Variants in DSCAML1 observed in about 807,000 individuals in gnomAD.
The protein encoded by DSCAML1 is cell adhesion molecule DSCAML1.
Under a neutral mutation model 200.5 loss-of-function variants are expected in DSCAML1, and 38 were observed. That is an observed-to-expected ratio of 0.19 (90% CI 0.15 to 0.25). The LOEUF (loss-of-function observed/expected upper bound fraction) is 0.25, where lower values mean the gene tolerates loss of function less well. Among genes scored for constraint, DSCAML1 ranks in the 10% least tolerant of loss-of-function variants. The probability of loss-of-function intolerance (pLI) is 1.00; values close to 1 mark genes in which losing one functional copy is unlikely to be tolerated. For missense variants in DSCAML1, 2,223 were observed against 2,858.8 expected (o/e 0.78, Z 5.07); for synonymous variants, 1,215 against 1,165.0 (o/e 1.04, Z -0.87).
intron 8 of DSCAML1, among the ~76,000 whole-genome samples, chr11:117,509,696 T>C (rs1257073976): frequency 6.6e-6 from 1 of 152,192 alleles, no homozygotes; most frequent in African/African-American, 2.4e-5. Context: ...TATATGTACA[T>C]GGCTGTCCAA....
At chr11:117,725,063 C>T (rs546942209) in intron 3 of DSCAML1, among the ~76,000 whole-genome samples, 4 of 152,308 alleles carry the variant, frequency 2.6e-5, no homozygotes, top group African/African-American at 4.8e-5. Flanking sequence ...GGCTAAGATG[C>T]TTTCTGGAAA....
At chr11:117,794,299 C>T (rs530959193) in intron 1 of DSCAML1, among the ~76,000 whole-genome samples, 2 of 152,274 alleles carry the variant, frequency 1.3e-5, no homozygotes, top group South Asian at 4.2e-4. Context: ...GATGGAACAA[C>T]GGAGAGCGCC....
intron 3 of DSCAML1, among the ~76,000 whole-genome samples, chr11:117,597,310 A>C (rs1188090446): frequency 6.6e-6 from 1 of 152,146 alleles, no homozygotes; most frequent in Non-Finnish European, 1.5e-5. Context: ...GGCCTCAGTC[A>C]CCTTACTTGC....
At chr11:117,497,466 A>G (rs530542822) in intron 11 of DSCAML1, among the ~76,000 whole-genome samples, 3 of 152,242 alleles carry the variant, frequency 2.0e-5, no homozygotes, top group East Asian at 3.9e-4. Context: ...TGATGAGAGG[A>G]AGTGTCCAGC....
chr11:117,578,575 T>G (rs577442191), intron 3 of DSCAML1, among the ~76,000 whole-genome samples: 2 of 152,130 alleles, frequency 1.3e-5, no homozygotes, highest in East Asian at 3.9e-4. Context: ...GAGGCTGAGG[T>G]GGGAGGATAG....
chr11:117,694,594 AT>A (rs1251562743), intron 3 of DSCAML1, among the ~76,000 whole-genome samples: 1 of 152,100 alleles, frequency 6.6e-6, no homozygotes, highest in East Asian at 1.9e-4. Flanking sequence ...TCTCTGCCCC[AT>A]CTAGCCAAGG....
Position 117,540,508 on chromosome 11 carries a change from C to T in DSCAML1, c.512-7986G>A, listed in dbSNP as rs78853831. ...AAAAGGCAACTGAACTTAAACATGA[C>T]TGAACTTAACCCTTAAAAATGATTA... On this transcript the variant is annotated intron_variant, in intron 3 of 32. Coordinates refer to ENST00000651296, the MANE Select transcript of DSCAML1 (RefSeq NM_020693.4). Among the ~76,000 whole-genome samples, 1,450 of 151,882 alleles carry T rather than the reference C, an allele frequency of 9.5e-3. 9 individuals carry two copies. Among genetic ancestry groups the T allele is most frequent in the Non-Finnish European group, 0.015 (1,010 of 67,970 alleles).
At chr11:117,428,831 C>G in intron 32 of DSCAML1, 28 bp from the exon 33 acceptor site, 1 of 1,554,176 alleles carries the variant, frequency 6.4e-7, no homozygotes. Context: ...GAGGATGTTA[C>G]AGAGAGTCAT....
intron 3 of DSCAML1, among the ~76,000 whole-genome samples, chr11:117,577,869 A>G (rs1034145479): frequency 1.7e-4 from 25 of 151,226 alleles, no homozygotes; most frequent in Middle Eastern, 3.2e-3. Context: ...TCCCGGCCCT[A>G]AGCAAGATTT....
Position 117,463,054 on chromosome 11 carries a change from C to T in DSCAML1, c.3266-1458G>A, listed in dbSNP as rs1242890457. On this transcript the variant is annotated intron_variant, in intron 17 of 32. Transcript: ENST00000651296. The surrounding 1 kb of genome is among the most constrained non-coding windows in gnomAD (Gnocchi z 4.0). The stretch of plus-strand genomic sequence containing the variant: ...GGAGCTTAGCGTTAGGTGGGGCAGG[C>T]TGGCCTCGGCTCAGCACGACTGTTC... Among the ~76,000 whole-genome samples, 2 of 152,208 alleles carry T rather than the reference C, an allele frequency of 1.3e-5. No homozygotes were observed. Among genetic ancestry groups the T allele is most frequent in the African/African-American group, 2.4e-5 (1 of 41,446 alleles).
chr11:117,723,968 G>C (rs572998544), intron 3 of DSCAML1, among the ~76,000 whole-genome samples: 2 of 152,378 alleles, frequency 1.3e-5, no homozygotes, highest in South Asian at 2.1e-4. Flanking sequence ...CGCAGACAGA[G>C]AGGAAGGGAG....
chr11:117,457,163 TG>T (rs1200448106), intron 19 of DSCAML1, among the ~76,000 whole-genome samples: 1 of 152,244 alleles, frequency 6.6e-6, no homozygotes, highest in Non-Finnish European at 1.5e-5. Context: ...GCACTTCCGC[TG>T]TATTTACCAG....
At chr11:117,718,184 G>A (rs537089787) in intron 3 of DSCAML1, among the ~76,000 whole-genome samples, 3 of 152,206 alleles carry the variant, frequency 2.0e-5, no homozygotes, top group East Asian at 1.9e-4. Context: ...GCATTGCCGC[G>A]CCGGCTCCAG....
chr11:117,642,784 C>G lies in DSCAML1; in HGVS notation c.512-110262G>C, dbSNP rs2052438949. Among the ~76,000 whole-genome samples the G allele has an allele frequency of 6.6e-6, 1 of 152,138 alleles. No individual in the cohort carries two copies. The highest frequency in any genetic ancestry group is 2.4e-5 in the African/African-American group (1 of 41,422). ...GTGATTCCCATCTCACTCTTGGATT[C>G]CTTCATCCCCTTTCCACCTCCAACC... On this transcript the variant is annotated intron_variant, in intron 3 of 32. Transcript: ENST00000651296. This position sits in a 1 kb window ranked among gnomAD's most constrained non-coding sequence, Gnocchi z 4.1.
At chr11:117,646,431 G>A (rs1416958014) in intron 3 of DSCAML1, among the ~76,000 whole-genome samples, 3 of 152,182 alleles carry the variant, frequency 2.0e-5, no homozygotes, top group African/African-American at 7.2e-5. Flanking sequence ...TCTCTGCTGG[G>A]ATCCCCCCCA....
chr11:117,770,273 G>T (rs777897211), intron 3 of DSCAML1, among the ~76,000 whole-genome samples: 6 of 152,198 alleles, frequency 3.9e-5, no homozygotes, highest in Non-Finnish European at 7.3e-5. Context: ...CCCAGCAGGG[G>T]TCCAAGCTCC....
chr11:117,505,605 G>T lies in DSCAML1; in HGVS notation c.1911C>A (p.Ile637=), dbSNP rs770953566. 1.4e-5 allele frequency: 23 copies of T among 1,614,018 alleles called. No homozygotes were observed. In the South Asian group the frequency reaches 2.4e-4, roughly 17 times the overall value. The change falls in exon 9 of 33, where the codon ATC becomes ATA. Residue 637 remains isoleucine (I), a synonymous_variant. Transcript: ENST00000651296. The surrounding 1 kb of genome is among the most constrained non-coding windows in gnomAD (Gnocchi z 6.7). ...RITWRKDGQV[I]ISGSGVTIES... is the part of the protein sequence containing the mutation. Reference sequence around the variant, plus strand: ...CGATGGTCACGCCCGAGCCTGAGATGATCACCTGTCCGTCCTTCCTCCAGG... The same window carrying T: ...CGATGGTCACGCCCGAGCCTGAGATTATCACCTGTCCGTCCTTCCTCCAGG...
At chr11:117,485,134 A>G (rs2049018221) in intron 11 of DSCAML1, among the ~76,000 whole-genome samples, 1 of 152,058 alleles carries the variant, frequency 6.6e-6, no homozygotes, top group African/African-American at 2.4e-5. Flanking sequence ...TGAAGCAGGG[A>G]CCATGTTTCA....
Position 117,490,300 on chromosome 11 carries a change from C to T in DSCAML1, c.2360-8138G>A, listed in dbSNP as rs897456217. Reference sequence around the variant, plus strand: ...GGCTCCTGTCACCCCTGAGGTCCTGCTTGGACCAGCTGCTATTTACATTTT... The same window carrying T: ...GGCTCCTGTCACCCCTGAGGTCCTGTTTGGACCAGCTGCTATTTACATTTT... On this transcript the variant is annotated intron_variant, in intron 11 of 32. Coordinates refer to ENST00000651296, the MANE Select transcript of DSCAML1 (RefSeq NM_020693.4). Among the ~76,000 whole-genome samples, 4 of 152,172 alleles carry T rather than the reference C, an allele frequency of 2.6e-5. 1 individual carries two copies. The highest frequency in any genetic ancestry group is 2.0e-4 in the Admixed American group (3 of 15,288).
Sources: allele counts gnomAD v4.1 joint callset (sites outside exome capture counted in the v4.1 genomes callset), GRCh38; gene constraint gnomAD v4.1.1; non-coding constraint Gnocchi (gnomAD v3.1); transcripts MANE v1.5; gene names NCBI Gene and HGNC (gene_info 2026-07-23, HGNC 2026-07-21).